The following MEOX2 variants were observed in gnomAD, a reference collection of about 807,000 sequenced individuals.
The protein encoded by MEOX2 is mesenchyme homeobox 2.
A neutral mutation model predicts 27.0 loss-of-function variants in MEOX2; 11 were observed. The observed-to-expected ratio is 0.41, with a 90% CI of 0.26 to 0.68. The LOEUF (loss-of-function observed/expected upper bound fraction) is 0.68, where lower values mean the gene tolerates loss of function less well. Among genes scored for constraint, MEOX2 ranks in the 30% least tolerant of loss-of-function variants. The pLI, the probability that MEOX2 is intolerant of heterozygous loss-of-function variation, is 0.33. For missense variants in MEOX2, 436 were observed against 385.4 expected, an observed-to-expected ratio of 1.13 and a Z score of -1.10; for synonymous variants, 189 against 155.4, an observed-to-expected ratio of 1.22 and a Z score of -1.61.
At chr7:15,667,969 C>A (rs1167723540) in intron 1 of MEOX2, 3 of 152,166 alleles carry the variant, frequency 2.0e-5, no homozygotes, top group African/African-American at 7.2e-5. Flanking sequence ...AACAACAGAT[C>A]CACTTTATTC....
intron 1 of MEOX2, among the ~76,000 whole-genome samples, chr7:15,674,379 C>T (rs1170958176): frequency 6.6e-6 from 1 of 151,752 alleles, no homozygotes; most frequent in African/African-American, 2.4e-5. Flanking sequence ...TGAAAGTAGG[C>T]AAAGGGGAAA....
At chr7:15,641,519 T>C (rs1179523506) in intron 1 of MEOX2, among the ~76,000 whole-genome samples, 1 of 152,082 alleles carries the variant, frequency 6.6e-6, no homozygotes. Context: ...ACATGTGAAG[T>C]GGGTCCCATG....
intron 1 of MEOX2, among the ~76,000 whole-genome samples, chr7:15,633,803 T>C (rs1413511526): frequency 6.6e-6 from 1 of 151,902 alleles, no homozygotes; most frequent in Non-Finnish European, 1.5e-5. Context: ...CTTATGAGTA[T>C]GAATTTTGTC....
chr7:15,612,641 GAAA>G, intron 2 of MEOX2, 30 bp from the exon 3 acceptor site: 1 of 1,576,652 alleles, frequency 6.3e-7, no homozygotes, highest in Non-Finnish European at 8.7e-7. Flanking sequence ...CAAACAAACA[GAAA>G]AAAAGAGATA....
intron 1 of MEOX2, among the ~76,000 whole-genome samples, chr7:15,640,642 G>A (rs189423230): frequency 8.5e-5 from 13 of 152,136 alleles, no homozygotes; most frequent in African/African-American, 2.4e-4. Context: ...TCCCCATTCC[G>A]TATGATGTTA....
intron 1 of MEOX2, among the ~76,000 whole-genome samples, chr7:15,662,712 C>T (rs1781937195): frequency 6.6e-6 from 1 of 152,114 alleles, no homozygotes; most frequent in African/African-American, 2.4e-5. Flanking sequence ...CAAAGTTTTT[C>T]CACATCCTCT....
intron 1 of MEOX2, among the ~76,000 whole-genome samples, chr7:15,636,260 A>G (rs1781477256): frequency 6.6e-6 from 1 of 151,824 alleles, no homozygotes; most frequent in Non-Finnish European, 1.5e-5. Flanking sequence ...AGGGTTTGAG[A>G]AAAAAAATCC....
At chr7:15,653,339 T>G (rs1225344471) in intron 1 of MEOX2, among the ~76,000 whole-genome samples, 1 of 152,056 alleles carries the variant, frequency 6.6e-6, no homozygotes, top group Admixed American at 6.6e-5. Context: ...ATTTTTTTAT[T>G]GTTGAGACTT....
chr7:15,632,694 T>C (rs1562599538), intron 1 of MEOX2, among the ~76,000 whole-genome samples: 1 of 151,964 alleles, frequency 6.6e-6, no homozygotes. Flanking sequence ...TTCTTCTAAC[T>C]ACCAACTTCA....
Position 15,648,382 on chromosome 7 carries a change from G to A in MEOX2, c.518-21464C>T, listed in dbSNP as rs553785999. 4.0e-4 allele frequency among the ~76,000 whole-genome samples: 61 copies of A among 152,036 alleles called. No individual in the cohort carries two copies. The South Asian group carries it at 0.012, about 30-fold the overall frequency. ...TATACATAAAAAATAATTTTATGCC[G>A]GTGCGGATGAAGGAATAAAAAGAAA... On this transcript the variant is annotated intron_variant, in intron 1 of 2. Transcript: ENST00000262041.
At chr7:15,613,670 C>G (rs1781071456) in intron 2 of MEOX2, among the ~76,000 whole-genome samples, 1 of 152,014 alleles carries the variant, frequency 6.6e-6, no homozygotes, top group South Asian at 2.1e-4. Context: ...AAACTATACT[C>G]TTTAATTTTA....
chr7:15,621,971 A>C (rs562379873), intron 2 of MEOX2, among the ~76,000 whole-genome samples: 1 of 152,212 alleles, frequency 6.6e-6, no homozygotes, highest in Non-Finnish European at 1.5e-5. Context: ...ACAAAAAATT[A>C]GCCGGGCATG....
chr7:15,640,254 TTG>T (rs34600761), intron 1 of MEOX2, among the ~76,000 whole-genome samples: 431 of 145,324 alleles, frequency 3.0e-3, no homozygotes, highest in Middle Eastern at 0.011. Flanking sequence ...GTGTGTGTGT[TTG>T]TGTGTGTGTG....
intron 2 of MEOX2, among the ~76,000 whole-genome samples, chr7:15,623,557 A>G (rs1014684049): frequency 6.6e-6 from 1 of 152,084 alleles, no homozygotes; most frequent in Non-Finnish European, 1.5e-5. Flanking sequence ...TGTAGTAGAG[A>G]CGGGGTTTCA....
In MEOX2 at chr7:15,611,283, C is replaced by T. The variant is rs1484962055; in HGVS notation, c.*1104G>A. On this transcript the variant is annotated 3_prime_UTR_variant, in exon 3 of 3. Transcript: ENST00000262041. ...CAAAGATAGTTGTTCTGCATGAATA[C>T]ATCACATATGAAAAAATAATGTGTT... The T allele has an allele frequency of 1.3e-5, 2 of 152,120 alleles. No homozygotes were observed. The highest frequency in any genetic ancestry group is 4.8e-5 in the African/African-American group (2 of 41,438). The allele number at this position is 152,120 out of a possible 1,614,324, so 9.4% of individuals were successfully genotyped here.
At chr7:15,656,186 T>A (rs554122781) in intron 1 of MEOX2, among the ~76,000 whole-genome samples, 1 of 151,946 alleles carries the variant, frequency 6.6e-6, no homozygotes, top group Admixed American at 6.5e-5. Flanking sequence ...GATTAAAGTT[T>A]GCCTGGTAAA....
intron 1 of MEOX2, among the ~76,000 whole-genome samples, chr7:15,649,980 T>G (rs1781711197): frequency 6.6e-6 from 1 of 152,034 alleles, no homozygotes. Flanking sequence ...CACAAAGCAA[T>G]TTGGTCCAAA....
rs573544943 is a variant in MEOX2 at position 15,666,514 on chromosome 7, G to A, written c.517+19372C>T. Among the ~76,000 whole-genome samples, 30 of 152,002 alleles carry A rather than the reference G, an allele frequency of 2.0e-4. 1 individual carries two copies. The South Asian group carries it at 4.2e-3, about 21-fold the overall frequency. Reference sequence around the variant, plus strand: ...CATGCCTGTAATCCCAGCACTTTGGGAGGCCAAGGCGGGCAGATCATAAGG... The same window carrying A: ...CATGCCTGTAATCCCAGCACTTTGGAAGGCCAAGGCGGGCAGATCATAAGG... On this transcript the variant is annotated intron_variant, in intron 1 of 2. Coordinates refer to ENST00000262041, the MANE Select transcript of MEOX2 (RefSeq NM_005924.5).
At chr7:15,635,091 T>G (rs1405503644) in intron 1 of MEOX2, among the ~76,000 whole-genome samples, 4 of 151,968 alleles carry the variant, frequency 2.6e-5, no homozygotes, top group African/African-American at 9.7e-5. Context: ...ATATTAACTT[T>G]GTAGGCATGC....
Sources: gnomAD v4.1 joint callset for allele counts (sites outside exome capture counted in the v4.1 genomes callset) on GRCh38, gnomAD v4.1.1 for gene constraint, MANE v1.5 for transcripts, NCBI Gene and HGNC (gene_info 2026-07-23, HGNC 2026-07-21) for gene names.